Variants in AANAT observed in about 807,000 individuals in gnomAD.
The protein encoded by AANAT is serotonin N-acetyltransferase.
In AANAT, 11 loss-of-function variants were observed where a neutral mutation model predicts 15.6. That is an observed-to-expected ratio of 0.71 (90% CI 0.44 to 1.17). The LOEUF is 1.17. Among genes scored for constraint, AANAT ranks in the 50% most tolerant of loss-of-function variants. The pLI, the probability that AANAT is intolerant of heterozygous loss-of-function variation, is 0.00. For synonymous variants in AANAT, 139 were observed against 131.5 expected (o/e 1.06, Z -0.39); for missense variants, 286 against 296.3 (o/e 0.97, Z 0.26).
chr17:76,466,725 A>C (rs2073441678), upstream of AANAT, among the ~76,000 whole-genome samples: 1 of 152,100 alleles, frequency 6.6e-6, no homozygotes, highest in Admixed American at 6.5e-5. Flanking sequence ...CGTGGTTAAT[A>C]CTCATTTGGC....
chr17:76,461,956 G>A (rs952183723), intron 2 of AANAT, among the ~76,000 whole-genome samples: 1 of 152,196 alleles, frequency 6.6e-6, no homozygotes, highest in Non-Finnish European at 1.5e-5. Flanking sequence ...CGATACAGAG[G>A]AGGCCCCTGG....
chr17:76,461,559 G>C (rs2073388373), intron 2 of AANAT, among the ~76,000 whole-genome samples: 1 of 132,844 alleles, frequency 7.5e-6, no homozygotes, highest in Non-Finnish European at 1.6e-5. Context: ...GGTGAACTGA[G>C]ATTGTGCCAC....
upstream of AANAT, among the ~76,000 whole-genome samples, chr17:76,462,825 G>A (rs1440519517): frequency 2.0e-5 from 3 of 152,202 alleles, no homozygotes; most frequent in African/African-American, 7.2e-5. Context: ...CATTGCACAA[G>A]AGCCTGAAGA....
chr17:76,455,936 C>T (rs2073339092), intron 1 of AANAT, among the ~76,000 whole-genome samples: 1 of 152,132 alleles, frequency 6.6e-6, no homozygotes. Flanking sequence ...TCGCTTGAAC[C>T]CGGGAGCAGG....
Position 76,460,127 on chromosome 17 carries a change from GA to G in AANAT, c.-456+764del, listed in dbSNP as rs753072569. ...CTCCAGCCTCAGTCACCTACTTCAG[GA>G]AATTTTTTTTTTTTTTTTTTTTTTT... On this transcript the variant is annotated intron_variant, in intron 2 of 6. Coordinates refer to the AANAT transcript ENST00000250615. 1.8e-4 allele frequency among the ~76,000 whole-genome samples: 17 copies of G among 94,720 alleles called. 1 individual carries two copies. Among genetic ancestry groups the G allele is most frequent in the South Asian group, 3.3e-4 (1 of 3,006 alleles). 62.1% of individuals were successfully genotyped at this position (94,720 alleles called of 152,430 possible). A position where few individuals can be genotyped will look rare whatever the true frequency, so the allele number is the denominator to read the frequency against.
rs900157368 is a variant in AANAT at position 76,469,425 on chromosome 17, C to T, written c.318+98C>T. ...GGAGCCCAGGGGCTGGGATTTCTTCCTCCAGAACTGGAGAGATGAGTACAG... is the reference window on the plus strand; with the variant it reads ...GGAGCCCAGGGGCTGGGATTTCTTCTTCCAGAACTGGAGAGATGAGTACAG... On this transcript the variant is annotated intron_variant, in intron 3 of 3. Coordinates refer to ENST00000392492, the MANE Select transcript of AANAT (RefSeq NM_001088.3). This position sits in a 1 kb window ranked among gnomAD's most constrained non-coding sequence, Gnocchi z 5.2. 2.0e-6 allele frequency: 3 copies of T among 1,522,634 alleles called. No homozygotes were observed. Among genetic ancestry groups the T allele is most frequent in the African/African-American group, 1.4e-5 (1 of 73,238 alleles). The allele number at this position is 1,522,634 out of a possible 1,614,324, so 94.3% of individuals were successfully genotyped here. A position where few individuals can be genotyped will look rare whatever the true frequency, so the allele number is the denominator to read the frequency against.
chr17:76,469,456 AG>A lies in AANAT; in HGVS notation c.318+131del. On this transcript the variant is annotated intron_variant, in intron 3 of 3. Coordinates refer to ENST00000392492, the MANE Select transcript of AANAT (RefSeq NM_001088.3). The surrounding 1 kb of genome is among the most constrained non-coding windows in gnomAD (Gnocchi z 5.2). ...AACTGGAGAGATGAGTACAGGCCAC[AG>A]GCCCCTCCCAGAGCAAGACCTTCTG... 7.4e-7 allele frequency: 1 copy of A among 1,357,832 alleles called. No individual in the cohort carries two copies. Among genetic ancestry groups the A allele is most frequent in the South Asian group, 1.4e-5 (1 of 72,174 alleles). The allele number at this position is 1,357,832 out of a possible 1,614,324, so 84.1% of individuals were successfully genotyped here.
Position 76,469,416 on chromosome 17 carries a change from G to A in AANAT, c.318+89G>A. 1 of 1,545,434 alleles carries A rather than the reference G, an allele frequency of 6.5e-7. No homozygotes were observed. On this transcript the variant is annotated intron_variant, in intron 3 of 3. Coordinates refer to ENST00000392492, the MANE Select transcript of AANAT (RefSeq NM_001088.3). This position sits in a 1 kb window ranked among gnomAD's most constrained non-coding sequence, Gnocchi z 5.2. ...GCGGGGAGGGGAGCCCAGGGGCTGG[G>A]ATTTCTTCCTCCAGAACTGGAGAGA...
upstream of AANAT, among the ~76,000 whole-genome samples, chr17:76,463,073 C>G (rs535000823): frequency 2.0e-5 from 3 of 152,108 alleles, no homozygotes; most frequent in Non-Finnish European, 2.9e-5. Context: ...GCACTGGGCC[C>G]GGTGGGGATG....
chr17:76,466,804 G>A (rs2073442870), upstream of AANAT, among the ~76,000 whole-genome samples: 1 of 152,142 alleles, frequency 6.6e-6, no homozygotes, highest in South Asian at 2.1e-4. Flanking sequence ...TGTAAGCAGT[G>A]GCACTCACAG....
chr17:76,460,531 G>A lies in AANAT; in HGVS notation c.-456+1165G>A, dbSNP rs189359747. ...GCCGGACTGGTCTTGAACTCCTTGGGCTCAAGCGATCCTCCTGCCTTGGCC... is the reference window on the plus strand; with the variant it reads ...GCCGGACTGGTCTTGAACTCCTTGGACTCAAGCGATCCTCCTGCCTTGGCC... On this transcript the variant is annotated intron_variant, in intron 2 of 6. Transcript: ENST00000250615. Among the ~76,000 whole-genome samples, 33 of 152,002 alleles carry A rather than the reference G, an allele frequency of 2.2e-4. No individual in the cohort carries two copies. In the East Asian group the frequency reaches 6.4e-3, roughly 29 times the overall value.
Position 76,470,114 on chromosome 17 carries a change from C to T in AANAT, c.*144C>T. 1 of 914,364 alleles carries T rather than the reference C, an allele frequency of 1.1e-6. No individual in the cohort carries two copies. Among genetic ancestry groups the T allele is most frequent in the Non-Finnish European group, 1.5e-6 (1 of 648,622 alleles). 56.6% of individuals were successfully genotyped at this position (914,364 alleles called of 1,614,324 possible). On this transcript the variant is annotated 3_prime_UTR_variant, in exon 4 of 4. Transcript: ENST00000392492. ...AGGAGATAAGGTGGCTTCTCACGGCCTGAGCTGGAGTGGTGTGTCTTGTCT... is the reference window on the plus strand; with the variant it reads ...AGGAGATAAGGTGGCTTCTCACGGCTTGAGCTGGAGTGGTGTGTCTTGTCT...
upstream of AANAT, chr17:76,466,090 A>G: frequency 8.1e-7 from 1 of 1,239,068 alleles, no homozygotes; most frequent in Non-Finnish European, 1.1e-6. Context: ...TGTGGAAGTC[A>G]GCAAAGAGAG....
chr17:76,465,863 T>C (rs1199159363), upstream of AANAT: 6 of 320,622 alleles, frequency 1.9e-5, no homozygotes, highest in Non-Finnish European at 3.6e-5. Context: ...TTTATTTTTA[T>C]TTGTATTTTT....
At chr17:76,458,240 T>C (rs1479862222) in intron 1 of AANAT, among the ~76,000 whole-genome samples, 1 of 152,060 alleles carries the variant, frequency 6.6e-6, no homozygotes, top group Non-Finnish European at 1.5e-5. Flanking sequence ...TGAGACTCAG[T>C]AAATTCCTAC....
rs943468266 is a variant in AANAT at position 76,469,029 on chromosome 17, C to T, written c.163+120C>T. 21 of 1,479,484 alleles carry T rather than the reference C, an allele frequency of 1.4e-5. No homozygotes were observed. The highest frequency in any genetic ancestry group is 2.8e-5 in the African/African-American group (2 of 72,134). The allele number at this position is 1,479,484 out of a possible 1,614,324, so 91.6% of individuals were successfully genotyped here. Reference sequence around the variant, plus strand: ...GTCCCAGAGTATCAGACCATGTGTGCGCTCAAGAAAGTGGGGGAAACAGCA... The same window carrying T: ...GTCCCAGAGTATCAGACCATGTGTGTGCTCAAGAAAGTGGGGGAAACAGCA... On this transcript the variant is annotated intron_variant, in intron 2 of 3. Transcript: ENST00000392492. This position sits in a 1 kb window ranked among gnomAD's most constrained non-coding sequence, Gnocchi z 5.2.
chr17:76,460,262 C>T (rs1043335916), intron 2 of AANAT, among the ~76,000 whole-genome samples: 2 of 146,532 alleles, frequency 1.4e-5, no homozygotes, highest in Non-Finnish European at 3.0e-5. Flanking sequence ...CATTCTTGTG[C>T]CTCAGCCTTC....
At position 76,469,812 on chromosome 17, in the gene AANAT, G is replaced by C. The variant is rs1286672780; in HGVS notation, c.466G>C (p.Ala156Pro). Residue 156 changes from alanine to proline, a missense_variant, in exon 4 of 4, where the codon GCC (alanine) becomes CCC (proline). Physicochemically the swap from Ala to Pro is conservative, Grantham distance 27. Coordinates refer to ENST00000392492, the MANE Select transcript of AANAT (RefSeq NM_001088.3). The surrounding 1 kb of genome is among the most constrained non-coding windows in gnomAD (Gnocchi z 5.2). Reference protein sequence around the residue: ...HLGSQPAVRRAALMCEDALVP... With the variant: ...HLGSQPAVRRPALMCEDALVP... ...GGGCAGCCAGCCGGCCGTGCGCCGG[G>C]CCGCGCTCATGTGCGAGGACGCGCT... The C allele has an allele frequency of 1.1e-5, 17 of 1,603,930 alleles. No homozygotes were observed. The highest frequency in any genetic ancestry group is 3.4e-5 in the South Asian group (3 of 89,466).
Position 76,469,639 on chromosome 17 carries a change from G to C in AANAT, c.319-26G>C, listed in dbSNP as rs768859796. The stretch of plus-strand genomic sequence containing the variant: ...AGCACGTGTCAGCAGAAGTGACCTG[G>C]GATCTCATCCCTTGCTCGCTCCCAG... On this transcript the variant is annotated intron_variant, in intron 3 of 3. Transcript: ENST00000392492. The surrounding 1 kb of genome is among the most constrained non-coding windows in gnomAD (Gnocchi z 5.2). 3 of 1,445,724 alleles carry C rather than the reference G, an allele frequency of 2.1e-6. No homozygotes were observed. Among genetic ancestry groups the C allele is most frequent in the Admixed American group, 2.8e-5 (1 of 36,322 alleles). 89.6% of individuals were successfully genotyped at this position (1,445,724 alleles called of 1,614,324 possible).
Sources: allele counts gnomAD v4.1 joint callset (sites outside exome capture counted in the v4.1 genomes callset), GRCh38; gene constraint gnomAD v4.1.1; non-coding constraint Gnocchi (gnomAD v3.1); transcripts MANE v1.5; gene names NCBI Gene and HGNC (gene_info 2026-07-23, HGNC 2026-07-21).